Variants in DCC observed in about 807,000 individuals in gnomAD.
DCC encodes netrin receptor DCC.
DCC carries 58 observed loss-of-function variants against 172.5 expected under a neutral mutation model. The observed-to-expected ratio is 0.34, with a 90% confidence interval of 0.27 to 0.42. The LOEUF (loss-of-function observed/expected upper bound fraction) is 0.42, where lower values mean the gene tolerates loss of function less well. Ranked by LOEUF, DCC falls within the 10% of genes least tolerant of loss-of-function variation. The probability of loss-of-function intolerance (pLI) is 1.00; values close to 1 mark genes in which losing one functional copy is unlikely to be tolerated. For missense variants in DCC, 1,740 were observed against 1,791.0 expected (o/e 0.97, Z 0.51); for synonymous variants, 709 against 644.5 (o/e 1.10, Z -1.52).
intron 2 of DCC, among the ~76,000 whole-genome samples, chr18:52,822,226 G>A (rs2038420315): frequency 6.6e-6 from 1 of 152,008 alleles, no homozygotes; most frequent in Non-Finnish European, 1.5e-5. Flanking sequence ...GCAAAAAAGT[G>A]TAAGCCCTAT....
At chr18:52,773,984 G>T (rs1234193528) in intron 2 of DCC, among the ~76,000 whole-genome samples, 1 of 152,192 alleles carries the variant, frequency 6.6e-6, no homozygotes, top group African/African-American at 2.4e-5. Flanking sequence ...TCCACAGGTG[G>T]TTGTTAAATT....
At chr18:52,815,145 G>A (rs2038269869) in intron 2 of DCC, among the ~76,000 whole-genome samples, 1 of 152,038 alleles carries the variant, frequency 6.6e-6, no homozygotes, top group Non-Finnish European at 1.5e-5. Context: ...ATGAAATACA[G>A]GCTTAATAAT....
At chr18:53,269,966 T>A (rs16956453) in intron 12 of DCC, among the ~76,000 whole-genome samples, 8,429 of 152,074 alleles carry the variant, frequency 0.055, 809 homozygotes, top group African/African-American at 0.19. Context: ...AGAAGAGAAA[T>A]ATACTATACT....
intron 1 of DCC, among the ~76,000 whole-genome samples, chr18:52,674,433 C>T (rs2035613283): frequency 1.3e-5 from 2 of 152,098 alleles, no homozygotes; most frequent in African/African-American, 4.8e-5. Flanking sequence ...TGGTGTCTAC[C>T]CATTTTTGGG....
At chr18:52,905,927 T>A (rs2145447084) in intron 2 of DCC, 117 bp from the exon 3 acceptor site, 2 of 805,362 alleles carry the variant, frequency 2.5e-6, no homozygotes, top group East Asian at 2.7e-5. Context: ...AGACGATATT[T>A]GAGAAAACAG....
intron 20 of DCC, among the ~76,000 whole-genome samples, chr18:53,411,012 T>C (rs11876782): frequency 0.43 from 65,516 of 151,888 alleles, 15,947 homozygotes; most frequent in Non-Finnish European, 0.56. Context: ...CGACTTTAGG[T>C]ATTTTCTTTC....
chr18:53,410,556 C>A lies in DCC; in HGVS notation c.3040C>A (p.Leu1014Ile), dbSNP rs781383928. 1.2e-6 allele frequency: 2 copies of A among 1,609,024 alleles called. No individual in the cohort carries two copies. The highest frequency in any genetic ancestry group is 8.5e-7 in the Non-Finnish European group (1 of 1,175,376). Residue 1014 changes from leucine to isoleucine, a missense_variant, in exon 20 of 29, where the codon CTT (leucine) becomes ATT (isoleucine). Leu to Ile is a conservative substitution (Grantham distance 5, BLOSUM62 2). This residue lies in a region of DCC where 1,732 missense variants were observed against 1,767.4 expected (regional missense o/e 0.98). Coordinates refer to ENST00000442544, the MANE Select transcript of DCC (RefSeq NM_005215.4). ...TACTCATCAAATCATGGATCTCAAC[C>A]TTGATACTATGTATTACTTTCGAAT... ...RLTHQIMDLN[L>I]DTMYYFRIQA...
intron 1 of DCC, among the ~76,000 whole-genome samples, chr18:52,458,426 G>T (rs564575021): frequency 1.3e-5 from 2 of 152,140 alleles, no homozygotes; most frequent in Non-Finnish European, 2.9e-5. Flanking sequence ...ATCTTAAGCA[G>T]CAGAGGTTGG....
At chr18:52,962,914 A>T (rs2040866379) in intron 5 of DCC, among the ~76,000 whole-genome samples, 1 of 139,726 alleles carries the variant, frequency 7.2e-6, no homozygotes. Context: ...ATGAGAACAC[A>T]TGGACACAGG....
At chr18:52,891,911 T>C (rs1284543234) in intron 2 of DCC, among the ~76,000 whole-genome samples, 3 of 152,154 alleles carry the variant, frequency 2.0e-5, no homozygotes, top group African/African-American at 4.8e-5. Flanking sequence ...AACTATTCTC[T>C]ATACAGCAGC....
intron 1 of DCC, among the ~76,000 whole-genome samples, chr18:52,687,133 C>G (rs1241343497): frequency 6.6e-6 from 1 of 152,082 alleles, no homozygotes; most frequent in African/African-American, 2.4e-5. Flanking sequence ...ATATACTGCT[C>G]AAACCTATTC....
chr18:53,391,422 G>A (rs1438993025), intron 16 of DCC, among the ~76,000 whole-genome samples: 1 of 152,060 alleles, frequency 6.6e-6, no homozygotes, highest in Non-Finnish European at 1.5e-5. Flanking sequence ...CACTCTAAGA[G>A]AATGAGTAAA....
intron 1 of DCC, among the ~76,000 whole-genome samples, chr18:52,424,090 A>C (rs950974988): frequency 6.6e-6 from 1 of 152,132 alleles, no homozygotes; most frequent in Non-Finnish European, 1.5e-5. Flanking sequence ...TTCTATGTGT[A>C]TGAAAATTGG....
At chr18:52,612,388 C>T (rs920165912) in intron 1 of DCC, among the ~76,000 whole-genome samples, 1 of 152,094 alleles carries the variant, frequency 6.6e-6, no homozygotes, top group Non-Finnish European at 1.5e-5. Context: ...GTGGTCATCA[C>T]TCATACCTAC....
intron 13 of DCC, among the ~76,000 whole-genome samples, chr18:53,316,680 T>G (rs184814705): frequency 5.9e-5 from 9 of 152,284 alleles, no homozygotes; most frequent in African/African-American, 1.9e-4. Context: ...TCACATCCCT[T>G]GTAAGTTGTA....
At chr18:52,669,497 G>A (rs552746824) in intron 1 of DCC, among the ~76,000 whole-genome samples, 5 of 152,176 alleles carry the variant, frequency 3.3e-5, no homozygotes, top group African/African-American at 1.2e-4. Flanking sequence ...AAGGAACAAG[G>A]ACAGCTTAAA....
At chr18:52,773,536 A>G (rs888545607) in intron 2 of DCC, among the ~76,000 whole-genome samples, 1 of 151,392 alleles carries the variant, frequency 6.6e-6, no homozygotes, top group African/African-American at 2.4e-5. Context: ...CTATCTATCT[A>G]TATATTTTGA....
intron 1 of DCC, among the ~76,000 whole-genome samples, chr18:52,430,294 C>T (rs1053588669): frequency 6.6e-6 from 1 of 151,974 alleles, no homozygotes; most frequent in Non-Finnish European, 1.5e-5. Context: ...CAGGAGGGTG[C>T]TGCAATGGTT....
At chr18:53,366,028 T>C (rs1245298281) in intron 15 of DCC, among the ~76,000 whole-genome samples, 1 of 152,100 alleles carries the variant, frequency 6.6e-6, no homozygotes, top group Non-Finnish European at 1.5e-5. Context: ...CTACCAGCTA[T>C]AAGCTGTTTG....
Sources: gnomAD v4.1 joint callset for allele counts (sites outside exome capture counted in the v4.1 genomes callset) on GRCh38, gnomAD v4.1.1 for gene constraint, gnomAD v4.1.1 regional missense constraint, MANE v1.5 for transcripts, NCBI Gene and HGNC (gene_info 2026-07-23, HGNC 2026-07-21) for gene names.